Variants in PTAFR observed in about 807,000 individuals in gnomAD.
PTAFR encodes the protein platelet activating factor receptor.
PTAFR carries 8 observed loss-of-function variants against 14.7 expected under a neutral mutation model. The ratio of observed to expected loss-of-function variants is 0.54; its 90% CI spans 0.32 to 0.98. The LOEUF is 0.98. Ranked by LOEUF, PTAFR falls within the 50% of genes least tolerant of loss-of-function variation. The pLI is 0.04. For synonymous variants in PTAFR, 156 were observed against 176.5 expected, an observed-to-expected ratio of 0.88 and a Z score of 0.92; for missense variants, 337 against 451.2, an observed-to-expected ratio of 0.75 and a Z score of 2.29.
At chr1:28,167,893 C>T (rs954425683) in intron 1 of PTAFR, among the ~76,000 whole-genome samples, 31 of 149,870 alleles carry the variant, frequency 2.1e-4, no homozygotes, top group Admixed American at 5.3e-4. Context: ...CCCACCTTGG[C>T]CTCTCAAAGT....
intron 1 of PTAFR, among the ~76,000 whole-genome samples, chr1:28,190,259 C>G (rs1646642044): frequency 1.3e-5 from 2 of 152,184 alleles, no homozygotes; most frequent in Non-Finnish European, 2.9e-5. Flanking sequence ...CGTGAGCCAC[C>G]ATGCCTGGCC....
At chr1:28,180,819 G>A (rs1407222873), upstream of PTAFR, among the ~76,000 whole-genome samples, 2 of 151,186 alleles carry the variant, frequency 1.3e-5, no homozygotes, top group Non-Finnish European at 2.9e-5. Flanking sequence ...AAAATAAGAA[G>A]AAAGGAAGGA....
intron 1 of PTAFR, among the ~76,000 whole-genome samples, chr1:28,176,255 C>T (rs1646511855): frequency 6.6e-6 from 1 of 151,878 alleles, no homozygotes; most frequent in East Asian, 1.9e-4. Flanking sequence ...CCAGTCTGGG[C>T]AACAAGGCAA....
At position 28,150,636 on chromosome 1, in the gene PTAFR, T is replaced by C; in HGVS notation, c.386A>G (p.Asn129Ser). 3 of 1,614,124 alleles carry C rather than the reference T, an allele frequency of 1.9e-6. No individual in the cohort carries two copies. The highest frequency in any genetic ancestry group is 2.5e-6 in the Non-Finnish European group (3 of 1,180,036). Residue 129 changes from asparagine to serine, a missense_variant, in exon 2 of 2, where the codon AAC becomes AGC. Asn to Ser is a conservative substitution (Grantham distance 46). Transcript: ENST00000373857. This position sits in a 1 kb window ranked among gnomAD's most constrained non-coding sequence, Gnocchi z 6.3. The part of the protein sequence containing the change: ...VTRPIKTAQA[N>S]TRKRGISLSL... ...CAAAGAGATGCCACGCTTGCGGGTG[T>C]TGGCCTGAGCAGTCTTGATGGGCCG...
upstream of PTAFR, among the ~76,000 whole-genome samples, chr1:28,181,553 C>A (rs1432943147): frequency 1.3e-5 from 2 of 151,940 alleles, no homozygotes; most frequent in Non-Finnish European, 2.9e-5. Context: ...TCAAGACCAG[C>A]CTCAACATGG....
chr1:28,191,581 A>G (rs1646652423), intron 1 of PTAFR, among the ~76,000 whole-genome samples: 1 of 142,336 alleles, frequency 7.0e-6, no homozygotes, highest in African/African-American at 2.7e-5. Flanking sequence ...AAAAAGAAAA[A>G]AGAAAAGAGA....
chr1:28,167,500 G>A (rs141401377), intron 1 of PTAFR, among the ~76,000 whole-genome samples: 179 of 152,206 alleles, frequency 1.2e-3, no homozygotes, highest in African/African-American at 4.1e-3. Flanking sequence ...CATAGTGTTC[G>A]TGGGATTCCA....
chr1:28,180,178 T>C (rs1646550599), upstream of PTAFR, among the ~76,000 whole-genome samples: 1 of 151,768 alleles, frequency 6.6e-6, no homozygotes, highest in South Asian at 2.1e-4. Flanking sequence ...TAAAATGAAA[T>C]AAAAGCACAA....
chr1:28,186,499 G>A (rs573975026), intron 1 of PTAFR, among the ~76,000 whole-genome samples: 33 of 152,042 alleles, frequency 2.2e-4, no homozygotes, highest in Non-Finnish European at 4.1e-4. Flanking sequence ...CCTAAAATTC[G>A]AAATGAAAAA....
chr1:28,191,646 A>C (rs1340122095), intron 1 of PTAFR, among the ~76,000 whole-genome samples: 2 of 151,944 alleles, frequency 1.3e-5, no homozygotes, highest in African/African-American at 4.8e-5. Flanking sequence ...GCTTCCTCCA[A>C]GAGGGAGATA....
chr1:28,169,295 T>TAA (rs201943732), intron 1 of PTAFR, among the ~76,000 whole-genome samples: 12 of 129,236 alleles, frequency 9.3e-5, no homozygotes, highest in South Asian at 2.5e-4. Context: ...TTCACCACAG[T>TAA]AAAAAAAAAA....
At chr1:28,177,424 G>A (rs956273007), upstream of PTAFR, among the ~76,000 whole-genome samples, 1 of 152,046 alleles carries the variant, frequency 6.6e-6, no homozygotes, top group Non-Finnish European at 1.5e-5. Context: ...AGCTCCCTGA[G>A]ACCGTGTTTT....
rs371088058 is a variant in PTAFR, at chr1:28,191,991, G to A, written c.-39+1731C>T. Among the ~76,000 whole-genome samples, 13 of 152,042 alleles carry A rather than the reference G, an allele frequency of 8.6e-5. No homozygotes were observed. The East Asian group carries it at 1.7e-3, about 20-fold the overall frequency. ...GGACTGAGGCGGGAGGATCGTTTGA[G>A]CCTGGGGTCTCCAGGCTGCTATGAG... On this transcript the variant is annotated intron_variant, in intron 1 of 1. Transcript: ENST00000305392.
intron 1 of PTAFR, among the ~76,000 whole-genome samples, chr1:28,153,740 T>C (rs868661548): frequency 6.6e-6 from 1 of 151,456 alleles, no homozygotes; most frequent in Non-Finnish European, 1.5e-5. Context: ...ATACAAAAAT[T>C]AGCTGGGCGT....
intron 1 of PTAFR, among the ~76,000 whole-genome samples, chr1:28,182,838 C>A (rs1178037213): frequency 6.6e-6 from 1 of 152,032 alleles, no homozygotes; most frequent in East Asian, 1.9e-4. Flanking sequence ...CTGCCACCAT[C>A]CCTGGCTAAT....
upstream of PTAFR, among the ~76,000 whole-genome samples, chr1:28,178,343 C>T (rs1646535268): frequency 6.6e-6 from 1 of 152,068 alleles, no homozygotes; most frequent in Non-Finnish European, 1.5e-5. Context: ...TCACTGCAAC[C>T]TCTGCCTCCC....
At chr1:28,181,851 T>C (rs1320004420) in intron 1 of PTAFR, among the ~76,000 whole-genome samples, 1 of 152,150 alleles carries the variant, frequency 6.6e-6, no homozygotes, top group Non-Finnish European at 1.5e-5. Context: ...AGCTCATGCC[T>C]ATAATCCCAG....
chr1:28,173,238 C>A (rs375613921), intron 1 of PTAFR, among the ~76,000 whole-genome samples: 5 of 137,032 alleles, frequency 3.6e-5, no homozygotes, highest in African/African-American at 1.4e-4. Context: ...CAGTGAGTCA[C>A]GATCATGCCA....
At chr1:28,172,341 G>T (rs960029203) in intron 1 of PTAFR, among the ~76,000 whole-genome samples, 1 of 152,098 alleles carries the variant, frequency 6.6e-6, no homozygotes, top group Non-Finnish European at 1.5e-5. Context: ...CAGGAATCAC[G>T]CTGACATCTT....
Sources: gnomAD v4.1 joint callset for allele counts (sites outside exome capture counted in the v4.1 genomes callset) on GRCh38, gnomAD v4.1.1 for gene constraint, Gnocchi (gnomAD v3.1) non-coding constraint, MANE v1.5 for transcripts, NCBI Gene and HGNC (gene_info 2026-07-23, HGNC 2026-07-21) for gene names.